Variants in SHROOM4 observed in about 807,000 individuals in gnomAD.
The protein encoded by SHROOM4 is shroom family member 4.
SHROOM4 carries 17 observed loss-of-function variants against 80.3 expected under a neutral mutation model. That is an observed-to-expected ratio of 0.21 (90% CI 0.14 to 0.32). The LOEUF (loss-of-function observed/expected upper bound fraction) is 0.32. Among genes scored for constraint, SHROOM4 ranks in the 10% least tolerant of loss-of-function variants. The probability of loss-of-function intolerance (pLI) is 1.00; values close to 1 mark genes in which losing one functional copy is unlikely to be tolerated. For synonymous variants in SHROOM4, 400 were observed against 437.5 expected (o/e 0.91, Z 1.07); for missense variants, 993 against 1,140.3 (o/e 0.87, Z 1.86).
rs1557247911 is a variant in SHROOM4, at chrX:50,602,807, C to T, written c.3768G>A (p.Glu1256=). The T allele has an allele frequency of 8.3e-7, 1 of 1,210,004 alleles. No individual in the cohort carries two copies. Among genetic ancestry groups the T allele is most frequent in the Admixed American group, 2.2e-5 (1 of 45,993 alleles). Residue 1256 remains glutamate, a synonymous_variant, in exon 7 of 9, where the codon GAG becomes GAA. Coordinates refer to ENST00000376020, the MANE Select transcript of SHROOM4 (RefSeq NM_020717.5). Reference sequence around the variant, plus strand: ...CTGAAGGAGGCGAAAAGTGCTGAAACTCTTGTCTGTGGAAACAAAGAATGA... The same window carrying T: ...CTGAAGGAGGCGAAAAGTGCTGAAATTCTTGTCTGTGGAAACAAAGAATGA... ...GQEATESAKQ[E]FQHFSPPSGA...
At chrX:50,778,020 T>C (rs894577851) in intron 1 of SHROOM4, among the ~76,000 whole-genome samples, 5 of 112,019 alleles carry the variant, frequency 4.5e-5, no homozygotes, top group African/African-American at 1.6e-4. Flanking sequence ...TGCCCATTTC[T>C]ACTGCCATCA....
intron 2 of SHROOM4, among the ~76,000 whole-genome samples, chrX:50,656,809 GCATT>G (rs371680261): frequency 9.6e-4 from 106 of 110,204 alleles, no homozygotes; most frequent in African/African-American, 3.4e-3. Flanking sequence ...GATAGAGATT[GCATT>G]CAATCTGTAG....
intron 1 of SHROOM4, among the ~76,000 whole-genome samples, chrX:50,756,607 G>C (rs1206174511): frequency 8.9e-6 from 1 of 112,143 alleles, no homozygotes; most frequent in Non-Finnish European, 1.9e-5. Flanking sequence ...TTTTGCATTC[G>C]TATCAGCAAT....
At chrX:50,702,522 T>C (rs2147471367) in intron 1 of SHROOM4, among the ~76,000 whole-genome samples, 1 of 111,806 alleles carries the variant, frequency 8.9e-6, no homozygotes. Context: ...GTCTAAAAGA[T>C]TATGTTGCAT....
intron 2 of SHROOM4, among the ~76,000 whole-genome samples, chrX:50,677,257 G>A (rs1932865943): frequency 9.0e-6 from 1 of 111,374 alleles, no homozygotes; most frequent in Non-Finnish European, 1.9e-5. Flanking sequence ...CATTTTATTT[G>A]AATTTAAATT....
chrX:50,791,385 T>C (rs6652232), intron 1 of SHROOM4, among the ~76,000 whole-genome samples: 10,238 of 109,186 alleles, frequency 0.094, 909 homozygotes, highest in African/African-American at 0.28. Context: ...CAAAGTGATC[T>C]AGAATCAATG....
intron 1 of SHROOM4, among the ~76,000 whole-genome samples, chrX:50,791,030 T>C (rs1412024608): frequency 9.0e-6 from 1 of 111,021 alleles, no homozygotes; most frequent in African/African-American, 3.3e-5. Context: ...CATGATCTTG[T>C]ATGTTGTCAG....
intron 1 of SHROOM4, among the ~76,000 whole-genome samples, chrX:50,760,700 G>A (rs1935139282): frequency 9.0e-6 from 1 of 111,539 alleles, no homozygotes; most frequent in South Asian, 3.8e-4. Flanking sequence ...CCAGCTGTCC[G>A]ATGGTTGCAG....
chrX:50,673,635 A>G (rs1035340966), intron 2 of SHROOM4, among the ~76,000 whole-genome samples: 13 of 111,053 alleles, frequency 1.2e-4, no homozygotes, highest in African/African-American at 4.2e-4. Context: ...TGATTCAACT[A>G]TATGCTGTCA....
intron 1 of SHROOM4, among the ~76,000 whole-genome samples, chrX:50,776,172 CT>C (rs1460159577): frequency 3.0e-4 from 34 of 111,492 alleles, no homozygotes; most frequent in Non-Finnish European, 3.6e-4. Context: ...GCAGCAGCAC[CT>C]TTCCCCTGGC....
intron 1 of SHROOM4, among the ~76,000 whole-genome samples, chrX:50,720,455 T>G (rs1557265342): frequency 8.9e-6 from 1 of 112,479 alleles, no homozygotes; most frequent in African/African-American, 3.2e-5. Flanking sequence ...ATTTTTCTAT[T>G]TCTTCTACAA....
intron 1 of SHROOM4, among the ~76,000 whole-genome samples, chrX:50,773,615 A>T (rs2147658065): frequency 8.9e-6 from 1 of 112,426 alleles, no homozygotes; most frequent in Non-Finnish European, 1.9e-5. Context: ...AATACATGAG[A>T]TAATAATGAT....
intron 2 of SHROOM4, among the ~76,000 whole-genome samples, chrX:50,659,142 G>A (rs1742321752): frequency 9.0e-6 from 1 of 111,583 alleles, no homozygotes; most frequent in African/African-American, 3.3e-5. Flanking sequence ...TGTCCTGAGG[G>A]TAGGATATAT....
rs112578831 is a variant in SHROOM4, at chrX:50,781,678, T to C, written c.117+32224A>G. 6.1e-3 allele frequency among the ~76,000 whole-genome samples: 679 copies of C among 110,673 alleles called. 9 individuals carry two copies. The highest frequency in any genetic ancestry group is 0.021 in the African/African-American group (640 of 30,372). On this transcript the variant is annotated intron_variant, in intron 1 of 8. Transcript: ENST00000376020. The stretch of plus-strand genomic sequence containing the variant: ...TGTTTCCTGAACACACCAGCCCAAA[T>C]TGCTATTTCAGCCAAAACAATTATC...
chrX:50,727,055 C>T (rs1371620522), intron 1 of SHROOM4, among the ~76,000 whole-genome samples: 1 of 113,316 alleles, frequency 8.8e-6, no homozygotes. Flanking sequence ...GCCCCTCCTG[C>T]ATCACTATGC....
chrX:50,759,661 G>A (rs1254879467), intron 1 of SHROOM4, among the ~76,000 whole-genome samples: 3 of 111,341 alleles, frequency 2.7e-5, no homozygotes, highest in Non-Finnish European at 5.7e-5. Context: ...TTAGGTCATT[G>A]GTTTTACATT....
At position 50,594,894 on chromosome X, in the gene SHROOM4, G is replaced by A. The variant is rs1929029628; in HGVS notation, c.*1801C>T. ...AGCAAACCCAGAGCTCCACAGAAAGGCTTACCCCACCCCCTACCCCAGGAC... is the reference window on the plus strand; with the variant it reads ...AGCAAACCCAGAGCTCCACAGAAAGACTTACCCCACCCCCTACCCCAGGAC... On this transcript the variant is annotated 3_prime_UTR_variant, in exon 9 of 9. Coordinates refer to ENST00000376020, the MANE Select transcript of SHROOM4 (RefSeq NM_020717.5). The A allele has an allele frequency of 8.9e-6, 1 of 111,774 alleles. No homozygotes were observed. The allele number at this position is 111,774 out of a possible 1,213,427, so 9.2% of individuals were successfully genotyped here.
chrX:50,793,554 C>T lies in SHROOM4; in HGVS notation c.117+20348G>A, dbSNP rs782263947. Among the ~76,000 whole-genome samples, 6 of 104,593 alleles carry T rather than the reference C, an allele frequency of 5.7e-5. No individual in the cohort carries two copies. In the South Asian group the frequency reaches 2.8e-3, roughly 48 times the overall value. 90.8% of individuals were successfully genotyped at this position (104,593 alleles called of 115,157 possible). ...AAAGACTGGAGAAAAAAATCAGTAT[C>T]ATTGCTTTTTAGTCAAATTTTATCT... On this transcript the variant is annotated intron_variant, in intron 1 of 8. Coordinates refer to ENST00000376020, the MANE Select transcript of SHROOM4 (RefSeq NM_020717.5).
At chrX:50,737,869 C>T (rs1357702542) in intron 1 of SHROOM4, among the ~76,000 whole-genome samples, 2 of 111,063 alleles carry the variant, frequency 1.8e-5, no homozygotes, top group African/African-American at 6.6e-5. Flanking sequence ...TACTGAAACA[C>T]AACAAAAAAA....
Sources: allele counts gnomAD v4.1 joint callset (sites outside exome capture counted in the v4.1 genomes callset), GRCh38; gene constraint gnomAD v4.1.1; transcripts MANE v1.5; gene names NCBI Gene and HGNC (gene_info 2026-07-23, HGNC 2026-07-21).